Variants in PHACTR1 observed in about 807,000 individuals in gnomAD.
PHACTR1 encodes the protein phosphatase and actin regulator 1.
A neutral mutation model predicts 69.2 loss-of-function variants in PHACTR1; 16 were observed. That is an observed-to-expected ratio of 0.23 (90% CI 0.16 to 0.35). The LOEUF (loss-of-function observed/expected upper bound fraction) is 0.35, where lower values mean the gene tolerates loss of function less well. Among genes scored for constraint, PHACTR1 ranks in the 10% least tolerant of loss-of-function variants. The pLI is 1.00. For synonymous variants in PHACTR1, 312 were observed against 284.5 expected (o/e 1.10, Z -0.97); for missense variants, 510 against 734.7 (o/e 0.69, Z 3.54).
At chr6:12,909,840 G>A (rs142655852) in intron 4 of PHACTR1, among the ~76,000 whole-genome samples, 110 of 152,304 alleles carry the variant, frequency 7.2e-4, no homozygotes, top group African/African-American at 2.5e-3. Context: ...ATGCCCAGTA[G>A]CGTCTAAGCT....
intron 4 of PHACTR1, among the ~76,000 whole-genome samples, chr6:12,919,924 AT>A (rs1367814062): frequency 2.0e-5 from 3 of 152,162 alleles, no homozygotes; most frequent in African/African-American, 7.2e-5. Context: ...CCTAAATTCA[AT>A]TCACACACAT....
rs182602728 is a variant in PHACTR1, at chr6:12,911,994, T to A, written c.251-141371T>A. Among the ~76,000 whole-genome samples the A allele has an allele frequency of 3.6e-3, 549 of 152,256 alleles. 2 individuals are homozygous for A. The highest frequency in any genetic ancestry group is 0.02 in the Middle Eastern group (6 of 294). On this transcript the variant is annotated intron_variant, in intron 4 of 14. Transcript: ENST00000332995. ...TCAAAGCTGCATTTTATTTATTTAT[T>A]TGTTTGTTTGTTTATTTATTTGAGA... is the stretch of plus-strand genomic sequence containing the variant.
At chr6:13,203,579 C>T (rs1033471681) in intron 7 of PHACTR1, among the ~76,000 whole-genome samples, 34 of 152,138 alleles carry the variant, frequency 2.2e-4, no homozygotes, top group Non-Finnish European at 4.4e-5. Flanking sequence ...CACTCTCTTT[C>T]CACAGAGTGG....
chr6:13,052,551 G>A (rs959671027), intron 4 of PHACTR1, among the ~76,000 whole-genome samples: 1 of 152,192 alleles, frequency 6.6e-6, no homozygotes, highest in Admixed American at 6.5e-5. Flanking sequence ...ATGGAAAAGA[G>A]TTTGTTTTAT....
intron 4 of PHACTR1, among the ~76,000 whole-genome samples, chr6:12,927,390 G>A (rs1332848): frequency 0.042 from 6,356 of 152,120 alleles, 266 homozygotes; most frequent in South Asian, 0.11. Flanking sequence ...AAGATGATCA[G>A]TTTTGGAAGA....
intron 12 of PHACTR1, among the ~76,000 whole-genome samples, chr6:13,278,850 A>G (rs3817737): frequency 0.15 from 23,396 of 151,818 alleles, 2,139 homozygotes; most frequent in South Asian, 0.31. Flanking sequence ...GTAGTCCCAG[A>G]TACATGGGAG....
At chr6:13,185,125 T>A (rs1762676428) in intron 7 of PHACTR1, 1 of 724,612 alleles carries the variant, frequency 1.4e-6, no homozygotes, top group South Asian at 1.8e-5. Context: ...CCCTGTGGGA[T>A]GTTTGGGTGT....
chr6:13,241,602 G>T (rs373791082), intron 10 of PHACTR1, among the ~76,000 whole-genome samples: 1 of 152,226 alleles, frequency 6.6e-6, no homozygotes, highest in East Asian at 1.9e-4. Context: ...TCTGTAAAAC[G>T]GACCTCCCAC....
At chr6:12,769,011 G>A (rs1281234765) in intron 4 of PHACTR1, among the ~76,000 whole-genome samples, 1 of 152,140 alleles carries the variant, frequency 6.6e-6, no homozygotes, top group Non-Finnish European at 1.5e-5. Flanking sequence ...GTCTTAAAAA[G>A]TTGATTTCAT....
chr6:13,081,125 C>T (rs1811308804), intron 5 of PHACTR1, among the ~76,000 whole-genome samples: 1 of 152,068 alleles, frequency 6.6e-6, no homozygotes, highest in South Asian at 2.1e-4. Context: ...TCATGTACCC[C>T]AAAAGTTGAA....
At chr6:12,784,667 T>G (rs1052704595) in intron 4 of PHACTR1, among the ~76,000 whole-genome samples, 2 of 151,830 alleles carry the variant, frequency 1.3e-5, no homozygotes, top group Non-Finnish European at 2.9e-5. Flanking sequence ...TGTAATGATA[T>G]ATACATACAC....
At chr6:12,838,906 G>T (rs893161440) in intron 4 of PHACTR1, among the ~76,000 whole-genome samples, 91 of 152,294 alleles carry the variant, frequency 6.0e-4, no homozygotes, top group African/African-American at 1.8e-3. Flanking sequence ...TTCGGAAAAT[G>T]TTGGGGTCTT....
chr6:13,229,731 C>T (rs866861398), intron 9 of PHACTR1, among the ~76,000 whole-genome samples: 1 of 152,220 alleles, frequency 6.6e-6, no homozygotes, highest in East Asian at 1.9e-4. Context: ...CTATCTCCCC[C>T]TTTGCAGTCC....
chr6:13,283,657 C>G lies in PHACTR1; in HGVS notation c.1650+95C>G, dbSNP rs747652561. 4.6e-5 allele frequency: 73 copies of G among 1,582,234 alleles called. No homozygotes were observed. The highest frequency in any genetic ancestry group is 6.0e-5 in the Non-Finnish European group (69 of 1,156,638). On this transcript the variant is annotated intron_variant, in intron 13 of 14. Transcript: ENST00000332995. The surrounding 1 kb of genome is among the most constrained non-coding windows in gnomAD (Gnocchi z 4.7). Reference sequence around the variant, plus strand: ...GGGAGCGTGTAGGGAGACCTGCAGCCAGGCCTCAGCCGCAGTCCCCATAAT... The same window carrying G: ...GGGAGCGTGTAGGGAGACCTGCAGCGAGGCCTCAGCCGCAGTCCCCATAAT...
intron 4 of PHACTR1, among the ~76,000 whole-genome samples, chr6:12,914,782 CT>C (rs1786790253): frequency 6.6e-6 from 1 of 152,078 alleles, no homozygotes; most frequent in South Asian, 2.1e-4. Flanking sequence ...AAAGAGGACT[CT>C]TAAGGGCAGT....
At chr6:12,932,084 T>C (rs1788932459) in intron 4 of PHACTR1, among the ~76,000 whole-genome samples, 1 of 152,102 alleles carries the variant, frequency 6.6e-6, no homozygotes, top group African/African-American at 2.4e-5. Context: ...GTTAAATAAG[T>C]CTTCCAGATT....
rs560474742 is a variant in PHACTR1, at chr6:13,206,243, A to T, written c.986+107A>T. On this transcript the variant is annotated intron_variant, in intron 8 of 14. Transcript: ENST00000332995. ...GGAATGTGAACAAGGGGTCATCCCC[A>T]CTGGGGGAAAATGTTTGAAAGTAAA... 6.8e-5 allele frequency: 79 copies of T among 1,159,516 alleles called. No homozygotes were observed. The African/African-American group carries it at 9.9e-4, about 15-fold the overall frequency. The allele number at this position is 1,159,516 out of a possible 1,614,324, so 71.8% of individuals were successfully genotyped here.
chr6:13,196,378 A>G (rs1247117014), intron 7 of PHACTR1: 3 of 150,128 alleles, frequency 2.0e-5, no homozygotes, highest in Non-Finnish European at 4.4e-5. Flanking sequence ...AAAGCAAAGG[A>G]CGCAGGTTTT....
intron 10 of PHACTR1, among the ~76,000 whole-genome samples, chr6:13,231,473 AAGGAAAG>A (rs1446781542): frequency 6.6e-6 from 1 of 151,368 alleles, no homozygotes; most frequent in Non-Finnish European, 1.5e-5. Flanking sequence ...GGAAGGAAGG[AAGGAAAG>A]AAGGAAGGAA....
Sources: allele counts gnomAD v4.1 joint callset (sites outside exome capture counted in the v4.1 genomes callset), GRCh38; gene constraint gnomAD v4.1.1; non-coding constraint Gnocchi (gnomAD v3.1); transcripts MANE v1.5; gene names NCBI Gene and HGNC (gene_info 2026-07-23, HGNC 2026-07-21).